Variants in PDF observed in about 807,000 individuals in gnomAD.
PDF encodes the protein peptide deformylase, mitochondrial.
PDF carries 31 observed loss-of-function variants against 20.3 expected under a neutral mutation model. That is an observed-to-expected ratio of 1.52 (90% CI 1.15 to 2.06). The LOEUF (loss-of-function observed/expected upper bound fraction) is 2.06, where lower values mean the gene tolerates loss of function less well. Ranked by LOEUF, PDF falls within the 30% of genes most tolerant of loss-of-function variation. The pLI is 0.00. For missense variants in PDF, 447 were observed against 362.5 expected, an observed-to-expected ratio of 1.23 and a Z score of -1.89; for synonymous variants, 254 against 172.0, an observed-to-expected ratio of 1.48 and a Z score of -3.73.
chr16:69,329,783 G>A (rs889389169), intron 1 of PDF, among the ~76,000 whole-genome samples: 1 of 152,220 alleles, frequency 6.6e-6, no homozygotes. Flanking sequence ...GGTAACAGCG[G>A]AACTAGGGGA....
In PDF at chr16:69,328,720, G is replaced by A. The variant is rs756982210; in HGVS notation, c.*302C>T. Reference sequence around the variant, plus strand: ...GCTTTGGGAGATTATACAGGTCCGAGGAACTCGTGTCTACTGCAGACGAAT... The same window carrying A: ...GCTTTGGGAGATTATACAGGTCCGAAGAACTCGTGTCTACTGCAGACGAAT... On this transcript the variant is annotated 3_prime_UTR_variant, in exon 2 of 2. Coordinates refer to ENST00000288022, the MANE Select transcript of PDF (RefSeq NM_022341.2). 1 of 351,194 alleles carries A rather than the reference G, an allele frequency of 2.8e-6. No individual in the cohort carries two copies. Among genetic ancestry groups the A allele is most frequent in the Non-Finnish European group, 5.2e-6 (1 of 193,862 alleles). The allele number at this position is 351,194 out of a possible 1,614,324, so 21.8% of individuals were successfully genotyped here.
Position 69,330,145 on chromosome 16 carries a change from G to C in PDF, c.426C>G (p.Leu142=), listed in dbSNP as rs766395835. The part of the protein sequence containing the change: ...CRECPPRQRA[L]RQMEPFPLRV... ...GCAGGGGGAAGGGCTCCATTTGGCG[G>C]AGCGCGCGCTGGCGGGGCGGGCACT... The change falls in exon 1 of 2, where the codon CTC becomes CTG. Residue 142 remains leucine (L), a synonymous_variant. Coordinates refer to ENST00000288022, the MANE Select transcript of PDF (RefSeq NM_022341.2). 1.3e-6 allele frequency: 2 copies of C among 1,556,102 alleles called. No individual in the cohort carries two copies. Among genetic ancestry groups the C allele is most frequent in the Non-Finnish European group, 1.7e-6 (2 of 1,155,234 alleles).
At chr16:69,329,782 G>C (rs1325219509) in intron 1 of PDF, among the ~76,000 whole-genome samples, 1 of 152,222 alleles carries the variant, frequency 6.6e-6, no homozygotes, top group East Asian at 1.9e-4. Flanking sequence ...AGGTAACAGC[G>C]GAACTAGGGG....
chr16:69,329,951 G>C (rs758416731), intron 1 of PDF, 46 bp downstream of exon 1: 2 of 1,488,940 alleles, frequency 1.3e-6, no homozygotes, highest in South Asian at 2.6e-5. Context: ...TCGGGCAGAA[G>C]AGACGCGCGC....
At chr16:69,329,292 G>A in intron 1 of PDF, 113 bp from the exon 2 acceptor site, 3 of 1,131,620 alleles carry the variant, frequency 2.7e-6, no homozygotes, top group Non-Finnish European at 3.6e-6. Flanking sequence ...GGCAACAGCA[G>A]ATGGCAAATG....
rs759755281 is a variant in PDF, at chr16:69,330,086, T to A, written c.485A>T (p.Asp162Val). 4.4e-6 allele frequency: 7 copies of A among 1,574,400 alleles called. No homozygotes were observed. The highest frequency in any genetic ancestry group is 4.3e-6 in the Non-Finnish European group (5 of 1,162,646). ...VFVNPSLRVL[D>V]SRLVTFPEGC... ...CTCGGGAAAGGTGACCAGGCGGCTG[T>A]CAAGCACTCGCAGGCTGGGGTTCAC... Residue 162 changes from aspartate (D) to valine (V), a missense_variant, in exon 1 of 2, where the codon GAC (aspartate) becomes GTC (valine). Asp to Val is a radical substitution (Grantham distance 152). Coordinates refer to ENST00000288022, the MANE Select transcript of PDF (RefSeq NM_022341.2).
intron 1 of PDF, 42 bp downstream of exon 1, chr16:69,329,955 C>T (rs889105282): frequency 2.0e-6 from 3 of 1,490,958 alleles, no homozygotes; most frequent in African/African-American, 1.5e-5. Context: ...GCAGAAGAGA[C>T]GCGCGCGCTG....
In PDF at chr16:69,329,036, T is replaced by G. The variant is rs1250881996; in HGVS notation, c.718A>C (p.Lys240Gln). 1 of 1,609,784 alleles carries G rather than the reference T, an allele frequency of 6.2e-7. No homozygotes were observed. Among genetic ancestry groups the G allele is most frequent in the African/African-American group, 1.3e-5 (1 of 74,922 alleles). ...SRTFTNVYWM[K>Q]VND ...GTAGCAAAGCTTTAGTCATTCACCT[T>G]CATCCAATAGACGTTTGTGAACGTC... Residue 240 changes from lysine to glutamine, a missense_variant, in exon 2 of 2, where the codon AAG (lysine) becomes CAG (glutamine). Transcript: ENST00000288022.
chr16:69,329,352 T>C (rs1422639739), intron 1 of PDF, among the ~76,000 whole-genome samples, 173 bp from the exon 2 acceptor site: 1 of 152,196 alleles, frequency 6.6e-6, no homozygotes, highest in Admixed American at 6.5e-5. Flanking sequence ...TCTCGGTCCA[T>C]TACCAAGCGT....
chr16:69,326,952 A>G lies in PDF; in HGVS notation c.*2070T>C, dbSNP rs1965609768. 1 of 152,164 alleles carries G rather than the reference A, an allele frequency of 6.6e-6. No individual in the cohort carries two copies. The highest frequency in any genetic ancestry group is 1.5e-5 in the Non-Finnish European group (1 of 68,036). 9.4% of individuals were successfully genotyped at this position (152,164 alleles called of 1,614,324 possible). On this transcript the variant is annotated 3_prime_UTR_variant, in exon 2 of 2. Transcript: ENST00000288022. ...CATTTTATTGCTACCGATGCCCACCACAAAAGCGTTAACCTCAGAAAGCTA... is the reference window on the plus strand; with the variant it reads ...CATTTTATTGCTACCGATGCCCACCGCAAAAGCGTTAACCTCAGAAAGCTA...
Position 69,330,122 on chromosome 16 carries a change from A to AG in PDF, c.448dup (p.Leu150ProfsTer13). The AG allele has an allele frequency of 2.5e-6, 4 of 1,582,448 alleles. No homozygotes were observed. Among genetic ancestry groups the AG allele is most frequent in the Non-Finnish European group, 2.6e-6 (3 of 1,167,126 alleles). The stretch of plus-strand genomic sequence containing the variant: ...CAGGCTGGGGTTCACGAACACGCGC[A>AG]GGGGGAAGGGCTCCATTTGGCGGAG... On this transcript the variant is annotated frameshift_variant, in exon 1 of 2. Transcript: ENST00000288022. LOFTEE classifies it high-confidence loss of function.
chr16:69,330,485 G>A lies in PDF; in HGVS notation c.86C>T (p.Ala29Val). The A allele has an allele frequency of 6.8e-7, 1 of 1,472,788 alleles. No homozygotes were observed. Among genetic ancestry groups the A allele is most frequent in the Non-Finnish European group, 8.9e-7 (1 of 1,120,802 alleles). 91.2% of individuals were successfully genotyped at this position (1,472,788 alleles called of 1,614,324 possible). A position where few individuals can be genotyped will look rare whatever the true frequency, so the allele number is the denominator to read the frequency against. ...GTCCGGGGCGGCCGTGGAGCTGCAA[G>A]CCCGGACACCGACGGCTGCCGCCCC... is the stretch of plus-strand genomic sequence containing the variant. ...WGGAAAVGVR[A>V]CSSTAAPDGV... The change falls in exon 1 of 2, where the codon GCT becomes GTT. Residue 29 changes from alanine to valine, a missense_variant. By Grantham distance (64) the Ala-to-Val change is moderately conservative. Transcript: ENST00000288022.
Position 69,330,461 on chromosome 16 carries a change from T to A in PDF, c.110A>T (p.Asp37Val). ...CCGCAGCGCCGGGCCCTCGACGCCG[T>A]CCGGGGCGGCCGTGGAGCTGCAAGC... ...VRACSSTAAP[D>V]GVEGPALRRS... The change falls in exon 1 of 2, where the codon GAC becomes GTC. Residue 37 changes from aspartate (D) to valine (V), a missense_variant. Physicochemically the swap from Asp to Val is radical, Grantham distance 152. Transcript: ENST00000288022. The A allele has an allele frequency of 6.8e-7, 1 of 1,471,482 alleles. No homozygotes were observed. The highest frequency in any genetic ancestry group is 8.9e-7 in the Non-Finnish European group (1 of 1,119,790). The allele number at this position is 1,471,482 out of a possible 1,614,324, so 91.2% of individuals were successfully genotyped here.
intron 1 of PDF, 41 bp from the exon 2 acceptor site, chr16:69,329,220 A>T (rs2143299469): frequency 1.3e-6 from 2 of 1,530,592 alleles, no homozygotes; most frequent in South Asian, 1.2e-5. Flanking sequence ...GGAACAGCTG[A>T]ACTGCATCAT....
At chr16:69,329,346 G>C (rs990440566) in intron 1 of PDF, among the ~76,000 whole-genome samples, 167 bp from the exon 2 acceptor site, 1 of 152,152 alleles carries the variant, frequency 6.6e-6, no homozygotes, top group African/African-American at 2.4e-5. Flanking sequence ...CCCTCATCTC[G>C]GTCCATTACC....
chr16:69,328,982 C>CAAG lies in PDF; in HGVS notation c.*39_*40insCTT. The CAAG allele has an allele frequency of 1.3e-6, 2 of 1,585,132 alleles. No homozygotes were observed. The highest frequency in any genetic ancestry group is 1.7e-6 in the Non-Finnish European group (2 of 1,172,216). Reference sequence around the variant, plus strand: ...GCCCAGCTCAAAGTGAAAGTGTTTGCGTCTTGGTATCCGGAATCCTCAGCC... The same window carrying CAAG: ...GCCCAGCTCAAAGTGAAAGTGTTTGCAAGGTCTTGGTATCCGGAATCCTCAGCC... On this transcript the variant is annotated 3_prime_UTR_variant, in exon 2 of 2. Transcript: ENST00000288022.
In PDF at chr16:69,330,164, G is replaced by C. The variant is rs781757701; in HGVS notation, c.407C>G (p.Pro136Arg). 3.9e-6 allele frequency: 6 copies of C among 1,531,790 alleles called. No individual in the cohort carries two copies. The African/African-American group carries it at 7.2e-5, about 18-fold the overall frequency. The allele number at this position is 1,531,790 out of a possible 1,614,324, so 94.9% of individuals were successfully genotyped here. A position where few individuals can be genotyped will look rare whatever the true frequency, so the allele number is the denominator to read the frequency against. Reference protein sequence around the residue: ...ELPEALCRECPPRQRALRQME... With the variant: ...ELPEALCRECRPRQRALRQME... ...TTGGCGGAGCGCGCGCTGGCGGGGC[G>C]GGCACTCCCGACACAGCGCCTCGGG... The change falls in exon 1 of 2, where the codon CCG becomes CGG. Residue 136 changes from proline (P) to arginine (R), a missense_variant. By Grantham distance (103) the Pro-to-Arg change is moderately radical. Coordinates refer to ENST00000288022, the MANE Select transcript of PDF (RefSeq NM_022341.2).
rs748323421 is a variant in PDF, at chr16:69,330,189, G to A, written c.382C>T (p.Pro128Ser). The change falls in exon 1 of 2, where the codon CCC (proline) becomes TCC (serine). Residue 128 changes from proline (P) to serine (S), a missense_variant. Transcript: ENST00000288022. ...GGGCACTCCCGACACAGCGCCTCGGGGAGCTCCAGCGCCAGCACCTGCCGC... is the reference window on the plus strand; with the variant it reads ...GGGCACTCCCGACACAGCGCCTCGGAGAGCTCCAGCGCCAGCACCTGCCGC... ...VPRQVLALEL[P>S]EALCRECPPR... 7 of 1,483,556 alleles carry A rather than the reference G, an allele frequency of 4.7e-6. No homozygotes were observed. Among genetic ancestry groups the A allele is most frequent in the Admixed American group, 2.4e-5 (1 of 40,898 alleles). 91.9% of individuals were successfully genotyped at this position (1,483,556 alleles called of 1,614,324 possible).
Position 69,330,551 on chromosome 16 carries a change from G to C in PDF, c.20C>G (p.Ala7Gly), listed in dbSNP as rs948841620. 3.4e-6 allele frequency: 5 copies of C among 1,469,284 alleles called. No individual in the cohort carries two copies. The highest frequency in any genetic ancestry group is 5.8e-5 in the East Asian group (2 of 34,716). 91.0% of individuals were successfully genotyped at this position (1,469,284 alleles called of 1,614,324 possible). A position where few individuals can be genotyped will look rare whatever the true frequency, so the allele number is the denominator to read the frequency against. ...CGCCCACAGTGGCCAAAGACTCAGC[G>C]CGCCCCACAGCCGGGCCATGGCGGC... Reference protein sequence around the residue: MARLWGALSLWPLWAAV... With the variant: MARLWGGLSLWPLWAAV... Residue 7 changes from alanine (A) to glycine (G), a missense_variant, in exon 1 of 2, where the codon GCG (alanine) becomes GGG (glycine). Transcript: ENST00000288022.
Sources: allele counts gnomAD v4.1 joint callset (sites outside exome capture counted in the v4.1 genomes callset), GRCh38; gene constraint gnomAD v4.1.1; transcripts MANE v1.5; gene names NCBI Gene and HGNC (gene_info 2026-07-23, HGNC 2026-07-21).